The following PROM1 variants were observed in gnomAD, a reference collection of about 807,000 sequenced individuals.
PROM1 encodes prominin-1.
Under a neutral mutation model 116.9 loss-of-function variants are expected in PROM1, and 105 were observed. The observed-to-expected ratio is 0.90, with a 90% CI of 0.77 to 1.06. PROM1 has a LOEUF of 1.06. PROM1 is among the 50% of genes least tolerant of loss of function. PROM1 has a pLI of 0.00. For missense variants in PROM1, 1,122 were observed against 1,045.2 expected, an observed-to-expected ratio of 1.07 and a Z score of -1.01; for synonymous variants, 393 against 387.0, an observed-to-expected ratio of 1.02 and a Z score of -0.18.
At chr4:16,059,252 T>C (rs185716180) in intron 2 of PROM1, among the ~76,000 whole-genome samples, 3 of 152,332 alleles carry the variant, frequency 2.0e-5, no homozygotes, top group East Asian at 3.9e-4. Flanking sequence ...CTTGGCTAAG[T>C]GAGTTACCCT....
At chr4:16,011,625 A>G (rs933966706) in intron 11 of PROM1, among the ~76,000 whole-genome samples, 1 of 152,210 alleles carries the variant, frequency 6.6e-6, no homozygotes, top group African/African-American at 2.4e-5. Flanking sequence ...CAGAGAGGGG[A>G]AACCAAAAAA....
intron 10 of PROM1, among the ~76,000 whole-genome samples, chr4:16,013,623 T>G (rs189149609): frequency 6.6e-6 from 1 of 152,330 alleles, no homozygotes; most frequent in East Asian, 1.9e-4. Flanking sequence ...GGTACTATTA[T>G]GGGTACATAC....
chr4:15,982,069 C>T (rs1481207994), intron 23 of PROM1, among the ~76,000 whole-genome samples: 1 of 152,240 alleles, frequency 6.6e-6, no homozygotes, highest in Non-Finnish European at 1.5e-5. Flanking sequence ...ATAGATGTCA[C>T]GGGCTGAATG....
chr4:15,975,167 G>A (rs1241233472), intron 26 of PROM1, among the ~76,000 whole-genome samples: 1 of 152,206 alleles, frequency 6.6e-6, no homozygotes, highest in Non-Finnish European at 1.5e-5. Flanking sequence ...AAGGGTGAAT[G>A]TTTTGCCTTG....
intron 1 of PROM1, among the ~76,000 whole-genome samples, chr4:16,082,761 CAG>C (rs982174351): frequency 3.3e-5 from 5 of 152,146 alleles, no homozygotes; most frequent in African/African-American, 1.2e-4. Context: ...GCGATCTTGC[CAG>C]AGAGAAGGGG....
chr4:15,991,858 C>T (rs1344047583), intron 17 of PROM1, among the ~76,000 whole-genome samples: 2 of 146,734 alleles, frequency 1.4e-5, no homozygotes, highest in African/African-American at 5.1e-5. Flanking sequence ...ATCACTTGAA[C>T]CCAGGAAGTG....
chr4:15,987,741 C>T, intron 19 of PROM1, 25 bp from the exon 20 acceptor site: 1 of 1,590,366 alleles, frequency 6.3e-7, no homozygotes, highest in Non-Finnish European at 8.6e-7. Context: ...ATAATATTTC[C>T]AAAATTATTA....
chr4:16,048,981 G>C (rs1737213081), intron 2 of PROM1, among the ~76,000 whole-genome samples: 1 of 152,194 alleles, frequency 6.6e-6, no homozygotes, highest in African/African-American at 2.4e-5. Flanking sequence ...CCTGGAGCCT[G>C]ATATCCTGAC....
At chr4:16,054,008 C>T (rs1223256410) in intron 2 of PROM1, among the ~76,000 whole-genome samples, 2 of 152,198 alleles carry the variant, frequency 1.3e-5, no homozygotes, top group Non-Finnish European at 2.9e-5. Context: ...GCAGGAGAAT[C>T]GCTTGAACCT....
In PROM1 at chr4:16,023,355, AC is replaced by A. The variant is rs2149331785; in HGVS notation, c.754del (p.Val252PhefsTer22). 6.2e-7 allele frequency: 1 copy of A among 1,607,470 alleles called. No homozygotes were observed. The highest frequency in any genetic ancestry group is 1.3e-5 in the African/African-American group (1 of 74,916). On this transcript the variant is annotated frameshift_variant, in exon 8 of 28. Transcript: ENST00000447510. LOFTEE classifies it high-confidence loss of function. ...LDRLRPNIIP[V>X]LDEIKSMATA... Reference sequence around the variant, plus strand: ...TGCCATGGACTTAATCTCATCAAGAACAGGGATGATGTTGGGTCTCAGTCGG... The same window carrying A: ...TGCCATGGACTTAATCTCATCAAGAAAGGGATGATGTTGGGTCTCAGTCGG...
chr4:16,017,511 A>T (rs923914959), intron 9 of PROM1, among the ~76,000 whole-genome samples: 1 of 152,338 alleles, frequency 6.6e-6, no homozygotes, highest in African/African-American at 2.4e-5. Context: ...ATCTATACTA[A>T]AATGTTATTT....
chr4:16,035,776 G>A lies in PROM1; in HGVS notation c.277-15C>T, dbSNP rs372599685. ...ACAGTTTCTGGCTGTAGAAGTCAACGCAGGTGAGGAATTTTGGCAGAGGCA... is the reference window on the plus strand; with the variant it reads ...ACAGTTTCTGGCTGTAGAAGTCAACACAGGTGAGGAATTTTGGCAGAGGCA... On this transcript the variant is annotated splice_polypyrimidine_tract_variant and intron_variant, in intron 3 of 27. Transcript: ENST00000447510. The A allele has an allele frequency of 8.4e-5, 135 of 1,612,838 alleles. No individual in the cohort carries two copies. The highest frequency in any genetic ancestry group is 8.3e-5 in the Non-Finnish European group (98 of 1,179,100).
At chr4:15,986,709 A>T (rs1719509948) in intron 20 of PROM1, among the ~76,000 whole-genome samples, 2 of 152,218 alleles carry the variant, frequency 1.3e-5, no homozygotes, top group Admixed American at 1.3e-4. Context: ...CTGGCATGAG[A>T]CACACACCTA....
rs146185751 is a variant in PROM1 at position 16,048,126 on chromosome 4, A to C, written c.221-9125T>G. On this transcript the variant is annotated intron_variant, in intron 2 of 27. Transcript: ENST00000447510. ...CACTCCCATTTGGTTAAATGTGTTC[A>C]TTATTTATAATGAAGTGAACACAAT... is the stretch of plus-strand genomic sequence containing the variant. Among the ~76,000 whole-genome samples, 350 of 152,280 alleles carry C rather than the reference A, an allele frequency of 2.3e-3. 1 individual carries two copies. The highest frequency in any genetic ancestry group is 7.9e-3 in the African/African-American group (329 of 41,546).
chr4:15,999,529 C>G (rs1723205063), intron 14 of PROM1, among the ~76,000 whole-genome samples: 2 of 151,896 alleles, frequency 1.3e-5, no homozygotes, highest in African/African-American at 4.8e-5. Context: ...TTAAGATGGG[C>G]AAATCAATGC....
chr4:16,083,076 T>C (rs1484897193), intron 1 of PROM1, among the ~76,000 whole-genome samples: 4 of 151,976 alleles, frequency 2.6e-5, no homozygotes, highest in Non-Finnish European at 5.9e-5. Flanking sequence ...ATGGCCTCGC[T>C]TTGTACCCCC....
rs1440563458 is a variant in PROM1, at chr4:16,016,279, A to G, written c.1003-39T>C. 8.2e-6 allele frequency: 12 copies of G among 1,457,074 alleles called. No homozygotes were observed. The East Asian group carries it at 3.0e-4, about 36-fold the overall frequency. 90.3% of individuals were successfully genotyped at this position (1,457,074 alleles called of 1,614,324 possible). ...AAACAAAATATAAGACAAGGTTGTT[A>G]CCTTCAAAACAATTCCTCATGAAGA... On this transcript the variant is annotated intron_variant, in intron 9 of 27. Transcript: ENST00000447510.
At chr4:16,037,957 G>T (rs893767544) in intron 3 of PROM1, 1 of 152,216 alleles carries the variant, frequency 6.6e-6, no homozygotes, top group African/African-American at 2.4e-5. Context: ...GGCCCTCCCA[G>T]GATCAGGCCC....
intron 15 of PROM1, among the ~76,000 whole-genome samples, chr4:15,995,065 A>G (rs1439750510): frequency 6.6e-6 from 1 of 152,212 alleles, no homozygotes; most frequent in East Asian, 1.9e-4. Flanking sequence ...TTGCTAATGT[A>G]TGCCTAGAGC....
Sources: gnomAD v4.1 joint callset for allele counts (sites outside exome capture counted in the v4.1 genomes callset) on GRCh38, gnomAD v4.1.1 for gene constraint, MANE v1.5 for transcripts, NCBI Gene and HGNC (gene_info 2026-07-23, HGNC 2026-07-21) for gene names.